Variants in CTNNBL1 observed in about 807,000 individuals in gnomAD.
The protein encoded by CTNNBL1 is catenin beta like 1.
Under a neutral mutation model 72.7 loss-of-function variants are expected in CTNNBL1, and 31 were observed. The ratio of observed to expected loss-of-function variants is 0.43; its 90% CI spans 0.32 to 0.58. The LOEUF (loss-of-function observed/expected upper bound fraction) is 0.58. Among genes scored for constraint, CTNNBL1 ranks in the 20% least tolerant of loss-of-function variants. The pLI is 0.08. For missense variants in CTNNBL1, 534 were observed against 725.1 expected (o/e 0.74, Z 3.03); for synonymous variants, 240 against 267.3 (o/e 0.90, Z 1.00).
intron 4 of CTNNBL1, among the ~76,000 whole-genome samples, chr20:37,747,236 G>A (rs769569274): frequency 3.9e-5 from 6 of 152,014 alleles, no homozygotes; most frequent in African/African-American, 7.2e-5. Context: ...TTAACTGGAC[G>A]TGGTGGTGCA....
At chr20:37,834,560 A>G (rs1444085926) in intron 11 of CTNNBL1, among the ~76,000 whole-genome samples, 3 of 152,210 alleles carry the variant, frequency 2.0e-5, no homozygotes, top group African/African-American at 7.2e-5. Flanking sequence ...GAGCCCAAAT[A>G]TGAGGCGTAT....
intron 11 of CTNNBL1, among the ~76,000 whole-genome samples, chr20:37,830,874 TGAAA>T (rs1224035369): frequency 1.3e-5 from 2 of 152,188 alleles, no homozygotes; most frequent in Non-Finnish European, 2.9e-5. Flanking sequence ...GTACTGAAAG[TGAAA>T]GAATGGTTGC....
At chr20:37,729,779 C>A (rs114773546) in intron 1 of CTNNBL1, among the ~76,000 whole-genome samples, 4,512 of 152,282 alleles carry the variant, frequency 0.03, 210 homozygotes, top group African/African-American at 0.1. Context: ...TAGGATGAAT[C>A]TACCTTCCCT....
Position 37,872,118 on chromosome 20 carries a change from A to G in CTNNBL1, c.*105A>G, listed in dbSNP as rs2072590953. ...TGGACAAATTAAAGCTAGTTTTGGT[A>G]TCCCCGGGCCAGTTTTCTTTGTAGT... is the stretch of plus-strand genomic sequence containing the variant. On this transcript the variant is annotated 3_prime_UTR_variant, in exon 16 of 16. Coordinates refer to ENST00000361383, the MANE Select transcript of CTNNBL1 (RefSeq NM_030877.5). The G allele has an allele frequency of 5.8e-6, 6 of 1,028,670 alleles. 1 individual carries two copies. Among genetic ancestry groups the G allele is most frequent in the South Asian group, 4.1e-5 (3 of 73,810 alleles). The allele number at this position is 1,028,670 out of a possible 1,614,324, so 63.7% of individuals were successfully genotyped here.
At chr20:37,746,316 G>A in intron 3 of CTNNBL1, 152 bp from the exon 4 acceptor site, 2 of 746,712 alleles carry the variant, frequency 2.7e-6, no homozygotes, top group South Asian at 1.8e-5. Context: ...CAAGGAAATT[G>A]TGTGACAGTA....
intron 10 of CTNNBL1, among the ~76,000 whole-genome samples, chr20:37,780,949 A>G (rs1457704593): frequency 6.6e-6 from 1 of 152,086 alleles, no homozygotes; most frequent in African/African-American, 2.4e-5. Context: ...TATTATCTTT[A>G]AAAGGCTTCT....
chr20:37,870,372 T>C (rs2072573586), intron 15 of CTNNBL1, among the ~76,000 whole-genome samples: 1 of 152,038 alleles, frequency 6.6e-6, no homozygotes, highest in African/African-American at 2.4e-5. Flanking sequence ...GTCGGGGGAC[T>C]GCACCCCCCG....
intron 1 of CTNNBL1, among the ~76,000 whole-genome samples, chr20:37,714,150 C>T (rs1237791267): frequency 2.0e-5 from 3 of 152,138 alleles, no homozygotes; most frequent in African/African-American, 7.2e-5. Flanking sequence ...TACTTTCCTC[C>T]AAGTCTACTC....
intron 3 of CTNNBL1, among the ~76,000 whole-genome samples, chr20:37,738,958 A>G (rs2073191889): frequency 6.6e-6 from 1 of 152,160 alleles, no homozygotes; most frequent in African/African-American, 2.4e-5. Flanking sequence ...GAATGTGGTT[A>G]CTGGGCCTAG....
chr20:37,806,870 T>C (rs1409888169), intron 11 of CTNNBL1, among the ~76,000 whole-genome samples: 1 of 152,182 alleles, frequency 6.6e-6, no homozygotes, highest in East Asian at 1.9e-4. Context: ...AGTGTGTTTT[T>C]TTCTTGTAGC....
rs138973103 is a variant in CTNNBL1 at position 37,826,719 on chromosome 20, G to A, written c.1214-13383G>A. On this transcript the variant is annotated intron_variant, in intron 11 of 15. Transcript: ENST00000361383. ...CAGATTCTACAATTAACATTTTTCT[G>A]TATTTCCCTCACCACATGTTTATCC... is the stretch of plus-strand genomic sequence containing the variant. Among the ~76,000 whole-genome samples, 487 of 152,220 alleles carry A rather than the reference G, an allele frequency of 3.2e-3. 4 individuals are homozygous for A. The highest frequency in any genetic ancestry group is 0.011 in the African/African-American group (463 of 41,518).
intron 3 of CTNNBL1, among the ~76,000 whole-genome samples, chr20:37,742,815 A>G (rs1254638185): frequency 6.6e-6 from 1 of 152,078 alleles, no homozygotes; most frequent in East Asian, 1.9e-4. Flanking sequence ...TTATTTATTT[A>G]TTTTTTGAGA....
At chr20:37,720,097 G>A (rs576495581) in intron 1 of CTNNBL1, among the ~76,000 whole-genome samples, 38 of 151,954 alleles carry the variant, frequency 2.5e-4, no homozygotes, top group African/African-American at 8.0e-4. Context: ...GCGCAATCTC[G>A]GCTCACTACA....
rs185331514 is a variant in CTNNBL1, at chr20:37,774,848, T to A, written c.751-2497T>A. Among the ~76,000 whole-genome samples the A allele has an allele frequency of 2.5e-3, 374 of 152,362 alleles. 5 individuals carry two copies. Among genetic ancestry groups the A allele is most frequent in the Non-Finnish European group, 1.3e-3 (86 of 68,030 alleles). On this transcript the variant is annotated intron_variant, in intron 7 of 15. Transcript: ENST00000361383. Reference sequence around the variant, plus strand: ...TACTGTGTGTTAGGTACTTTCATATTATGTTTTTAAATTCTCATAGTAACT... The same window carrying A: ...TACTGTGTGTTAGGTACTTTCATATAATGTTTTTAAATTCTCATAGTAACT...
chr20:37,844,420 G>T (rs1360240259), intron 13 of CTNNBL1, among the ~76,000 whole-genome samples: 1 of 152,122 alleles, frequency 6.6e-6, no homozygotes, highest in African/African-American at 2.4e-5. Context: ...ACAACGTTTG[G>T]TAACTCTGCC....
chr20:37,734,567 G>A (rs1007295888), intron 2 of CTNNBL1, among the ~76,000 whole-genome samples: 2 of 152,222 alleles, frequency 1.3e-5, no homozygotes, highest in Non-Finnish European at 1.5e-5. Context: ...GGACCAACCC[G>A]TCTGTTAAGG....
At position 37,757,627 on chromosome 20, in the gene CTNNBL1, G is replaced by A. The variant is rs768771943; in HGVS notation, c.535G>A (p.Glu179Lys). The change falls in exon 5 of 16, where the codon GAG (glutamate) becomes AAG (lysine). Residue 179 changes from glutamate (E) to lysine (K), a missense_variant. Transcript: ENST00000361383. ...TATAGACACCCTCCATGAGAGTGAA[G>A]AGGGAGCAGAAGTGCTCATCGATGC... is the stretch of plus-strand genomic sequence containing the variant. ...TDIDTLHESE[E>K]GAEVLIDALV... 9 of 1,613,670 alleles carry A rather than the reference G, an allele frequency of 5.6e-6. No individual in the cohort carries two copies. The highest frequency in any genetic ancestry group is 6.8e-6 in the Non-Finnish European group (8 of 1,179,734).
At chr20:37,730,057 T>G (rs899692511) in intron 1 of CTNNBL1, among the ~76,000 whole-genome samples, 1 of 152,224 alleles carries the variant, frequency 6.6e-6, no homozygotes, top group Non-Finnish European at 1.5e-5. Flanking sequence ...CAATGTCATA[T>G]GCTCAGACTT....
intron 11 of CTNNBL1, among the ~76,000 whole-genome samples, chr20:37,811,523 G>T (rs911965323): frequency 6.6e-6 from 1 of 152,292 alleles, no homozygotes; most frequent in East Asian, 1.9e-4. Flanking sequence ...TCTCATTCCT[G>T]ACCTCGGATG....
Sources: allele counts gnomAD v4.1 joint callset (sites outside exome capture counted in the v4.1 genomes callset), GRCh38; gene constraint gnomAD v4.1.1; transcripts MANE v1.5; gene names NCBI Gene and HGNC (gene_info 2026-07-23, HGNC 2026-07-21).